The following ANO3 variants were observed in gnomAD, a reference collection of about 807,000 sequenced individuals.
ANO3 encodes the protein anoctamin-3.
Under a neutral mutation model 144.8 loss-of-function variants are expected in ANO3, and 99 were observed. The observed-to-expected ratio is 0.68, with a 90% CI of 0.58 to 0.81. ANO3 has a LOEUF of 0.81. ANO3 is among the 30% of genes least tolerant of loss of function. The pLI is 0.00. For synonymous variants in ANO3, 414 were observed against 392.6 expected (o/e 1.05, Z -0.64); for missense variants, 905 against 1,202.2 (o/e 0.75, Z 3.66).
At chr11:26,416,017 T>A (rs1857575422) in intron 1 of ANO3, among the ~76,000 whole-genome samples, 1 of 152,114 alleles carries the variant, frequency 6.6e-6, no homozygotes, top group Non-Finnish European at 1.5e-5. Context: ...TGATTATACT[T>A]TTATGCATTG....
At chr11:26,441,835 C>A in intron 1 of ANO3, 83 bp from the exon 2 acceptor site, 1 of 929,922 alleles carries the variant, frequency 1.1e-6, no homozygotes, top group Non-Finnish European at 1.6e-6. Flanking sequence ...ATTCCTGAAA[C>A]AGGTATCACA....
At chr11:26,582,761 C>T (rs540663785) in intron 14 of ANO3, among the ~76,000 whole-genome samples, 7 of 152,126 alleles carry the variant, frequency 4.6e-5, no homozygotes, top group Admixed American at 1.3e-4. Flanking sequence ...TAATTAAAGG[C>T]CAACTGTATG....
chr11:26,391,344 T>C (rs942146550), intron 1 of ANO3, among the ~76,000 whole-genome samples: 13 of 152,062 alleles, frequency 8.5e-5, no homozygotes, highest in African/African-American at 3.1e-4. Context: ...CACTAATCCA[T>C]TAATCCATAA....
chr11:26,447,240 G>A (rs2134030851), intron 3 of ANO3, among the ~76,000 whole-genome samples: 1 of 82,716 alleles, frequency 1.2e-5, no homozygotes, highest in Non-Finnish European at 2.7e-5. Flanking sequence ...GTGGGGGGGG[G>A]TACTTTTATG....
At chr11:26,398,201 A>C (rs951558427) in intron 1 of ANO3, among the ~76,000 whole-genome samples, 6 of 152,066 alleles carry the variant, frequency 3.9e-5, no homozygotes, top group Non-Finnish European at 2.9e-5. Context: ...CTCATGGTCC[A>C]TTTGATTTTC....
chr11:26,280,247 T>C (rs1853648279), intron 1 of ANO3, among the ~76,000 whole-genome samples: 1 of 152,198 alleles, frequency 6.6e-6, no homozygotes, highest in Non-Finnish European at 1.5e-5. Flanking sequence ...TGTCACCTCT[T>C]TTTATTATCA....
intron 3 of ANO3, among the ~76,000 whole-genome samples, chr11:26,457,377 T>G (rs971226606): frequency 2.0e-5 from 3 of 151,924 alleles, no homozygotes; most frequent in African/African-American, 7.2e-5. Context: ...ATTTAAAATT[T>G]TCCACTGGCA....
At position 26,662,588 on chromosome 11, in the gene ANO3, A is replaced by T. The variant is rs1273874757; in HGVS notation, c.*2144A>T. ...AAGAAGTATTTCCTTTCCTTTTTAT[A>T]TAGTCCCGTTAGGGTTTAAAACCAT... On this transcript the variant is annotated 3_prime_UTR_variant, in exon 27 of 27. Coordinates refer to ENST00000256737, the MANE Select transcript of ANO3 (RefSeq NM_031418.4). 1 of 152,068 alleles carries T rather than the reference A, an allele frequency of 6.6e-6. No individual in the cohort carries two copies. Among genetic ancestry groups the T allele is most frequent in the Non-Finnish European group, 1.5e-5 (1 of 67,992 alleles). The allele number at this position is 152,068 out of a possible 1,614,324, so 9.4% of individuals were successfully genotyped here.
In ANO3 at chr11:26,339,528, CACTT is replaced by C. The variant is rs1410083673; in HGVS notation, c.46+7209_46+7212del. Reference sequence around the variant, plus strand: ...GTTGCAGGTTCTTTGGAGAATGAAACACTTAAACAGCTGAAAAGCATTTCACTCC... The same window carrying C: ...GTTGCAGGTTCTTTGGAGAATGAAACAAACAGCTGAAAAGCATTTCACTCC... On this transcript the variant is annotated intron_variant, in intron 1 of 26. Transcript: ENST00000256737. 1.1e-4 allele frequency among the ~76,000 whole-genome samples: 16 copies of C among 152,294 alleles called. 1 individual carries two copies. The highest frequency in any genetic ancestry group is 1.9e-4 in the African/African-American group (8 of 41,562).
intron 1 of ANO3, among the ~76,000 whole-genome samples, chr11:26,297,181 T>TTGTG (rs200208606): frequency 1.1e-4 from 16 of 142,308 alleles, no homozygotes; most frequent in African/African-American, 4.4e-4. Flanking sequence ...GCATCAACCA[T>TTGTG]TGCGTGTGTG....
intron 8 of ANO3, among the ~76,000 whole-genome samples, chr11:26,532,921 T>C (rs1346177295): frequency 6.6e-6 from 1 of 152,248 alleles, no homozygotes; most frequent in Non-Finnish European, 1.5e-5. Context: ...TTCATCTCTC[T>C]ATAATGTAAC....
At chr11:26,546,665 C>T (rs1849797053) in intron 11 of ANO3, among the ~76,000 whole-genome samples, 2 of 151,888 alleles carry the variant, frequency 1.3e-5, no homozygotes, top group Non-Finnish European at 2.9e-5. Context: ...AGTAGTTATT[C>T]GAGCTGCCTT....
chr11:26,213,614 A>T (rs544144152), intron 1 of ANO3, among the ~76,000 whole-genome samples: 2 of 152,286 alleles, frequency 1.3e-5, no homozygotes, highest in Non-Finnish European at 2.9e-5. Flanking sequence ...ACCACTGCTC[A>T]AGGAAATAAG....
upstream of ANO3, among the ~76,000 whole-genome samples, chr11:26,327,353 G>A (rs187598277): frequency 1.3e-5 from 2 of 152,280 alleles, no homozygotes; most frequent in African/African-American, 2.4e-5. Context: ...GCCATTAAGT[G>A]ATGTTATTCA....
chr11:26,382,483 A>G (rs1438423080), intron 1 of ANO3, among the ~76,000 whole-genome samples: 1 of 152,182 alleles, frequency 6.6e-6, no homozygotes, highest in African/African-American at 2.4e-5. Flanking sequence ...TATCTCAGAT[A>G]AAAAGAATTG....
At chr11:26,198,924 G>A (rs2133910129) in intron 1 of ANO3, among the ~76,000 whole-genome samples, 1 of 152,262 alleles carries the variant, frequency 6.6e-6, no homozygotes, top group Non-Finnish European at 1.5e-5. Context: ...ATGTGATAAT[G>A]AATTTCCAGT....
At position 26,660,792 on chromosome 11, in the gene ANO3, A is replaced by G. The variant is rs777287066; in HGVS notation, c.*348A>G. The stretch of plus-strand genomic sequence containing the variant: ...GGTTTTGAAAGACAGATTTCCATGT[A>G]AATGTGCACAAGCCAGGCATGGCTT... On this transcript the variant is annotated 3_prime_UTR_variant, in exon 27 of 27. Transcript: ENST00000256737. 2 of 204,600 alleles carry G rather than the reference A, an allele frequency of 9.8e-6. No homozygotes were observed. Among genetic ancestry groups the G allele is most frequent in the Non-Finnish European group, 1.9e-5 (2 of 103,752 alleles). The allele number at this position is 204,600 out of a possible 1,614,324, so 12.7% of individuals were successfully genotyped here.
chr11:26,558,544 C>T (rs1197848643), intron 13 of ANO3, among the ~76,000 whole-genome samples: 6 of 151,792 alleles, frequency 4.0e-5, no homozygotes, highest in Admixed American at 6.6e-5. Flanking sequence ...TTTTGAAAAC[C>T]GATTTTTATA....
At chr11:26,380,954 C>G (rs1013203863) in intron 1 of ANO3, among the ~76,000 whole-genome samples, 2 of 152,076 alleles carry the variant, frequency 1.3e-5, no homozygotes, top group Non-Finnish European at 2.9e-5. Context: ...TGCACTCCAG[C>G]CTGGGTGACA....
Sources: allele counts gnomAD v4.1 joint callset (sites outside exome capture counted in the v4.1 genomes callset), GRCh38; gene constraint gnomAD v4.1.1; transcripts MANE v1.5; gene names NCBI Gene and HGNC (gene_info 2026-07-23, HGNC 2026-07-21).